The following CSGALNACT2 variants were observed in gnomAD, a reference collection of about 807,000 sequenced individuals.
The protein encoded by CSGALNACT2 is beta 4 GalNAcT-2.
In CSGALNACT2, 35 loss-of-function variants were observed where a neutral mutation model predicts 55.3. The ratio of observed to expected loss-of-function variants is 0.63; its 90% CI spans 0.48 to 0.84. The LOEUF is 0.84. CSGALNACT2 is among the 40% of genes least tolerant of loss of function. The pLI is 0.00. For synonymous variants in CSGALNACT2, 196 were observed against 224.9 expected, an observed-to-expected ratio of 0.87 and a Z score of 1.15; for missense variants, 544 against 657.5, an observed-to-expected ratio of 0.83 and a Z score of 1.89.
intron 6 of CSGALNACT2, among the ~76,000 whole-genome samples, chr10:43,169,925 C>T (rs2133142099): frequency 6.6e-6 from 1 of 152,284 alleles, no homozygotes; most frequent in East Asian, 1.9e-4. Flanking sequence ...AATTCATATT[C>T]AACCTACTAT....
chr10:43,145,410 C>CTTTTTT (rs71016727), intron 1 of CSGALNACT2, among the ~76,000 whole-genome samples: 4 of 99,406 alleles, frequency 4.0e-5, no homozygotes, highest in Non-Finnish European at 5.6e-5. Context: ...TTGTTTGTTT[C>CTTTTTT]TTTTTTTTTT....
At chr10:43,145,877 T>C (rs957979730) in intron 1 of CSGALNACT2, among the ~76,000 whole-genome samples, 2 of 152,214 alleles carry the variant, frequency 1.3e-5, no homozygotes, top group Admixed American at 6.5e-5. Flanking sequence ...CTTATTTTAA[T>C]AGTATGAATA....
intron 1 of CSGALNACT2, among the ~76,000 whole-genome samples, chr10:43,153,313 C>G (rs183290739): frequency 9.8e-6 from 1 of 102,130 alleles, no homozygotes; most frequent in African/African-American, 4.4e-5. Context: ...GCAGCCTGGG[C>G]GACAGAGCAA....
In CSGALNACT2 at chr10:43,147,124, C is replaced by T. The variant is rs370568088; in HGVS notation, c.-253-7773C>T. On this transcript the variant is annotated intron_variant, in intron 1 of 7. Coordinates refer to ENST00000374466, the MANE Select transcript of CSGALNACT2 (RefSeq NM_018590.5). ...CCAAGTAGCTGGGACTACAGGCGCC[C>T]GCCACTACGCCCGGCTAATTTTTTG... Among the ~76,000 whole-genome samples, 19 of 148,814 alleles carry T rather than the reference C, an allele frequency of 1.3e-4. 1 individual carries two copies. The highest frequency in any genetic ancestry group is 1.2e-3 in the East Asian group (6 of 5,086).
chr10:43,159,008 C>G, intron 3 of CSGALNACT2, 77 bp downstream of exon 3: 2 of 793,560 alleles, frequency 2.5e-6, no homozygotes, highest in Non-Finnish European at 4.2e-6. Flanking sequence ...CTTAATTTAT[C>G]TTCACCGATT....
chr10:43,185,025 T>C lies in CSGALNACT2; in HGVS notation c.*1483T>C, dbSNP rs1204366049. On this transcript the variant is annotated 3_prime_UTR_variant, in exon 8 of 8. Coordinates refer to ENST00000374466, the MANE Select transcript of CSGALNACT2 (RefSeq NM_018590.5). ...TTTTTTTAAAAGATGTGTGAAATGTTCTCTGCAAAATAATTCAGGCCACTG... is the reference window on the plus strand; with the variant it reads ...TTTTTTTAAAAGATGTGTGAAATGTCCTCTGCAAAATAATTCAGGCCACTG... 6.6e-6 allele frequency: 1 copy of C among 152,138 alleles called. No homozygotes were observed. The highest frequency in any genetic ancestry group is 2.4e-5 in the African/African-American group (1 of 41,460). The allele number at this position is 152,138 out of a possible 1,614,324, so 9.4% of individuals were successfully genotyped here.
At chr10:43,145,410 CTTTTTTTT>C (rs71016727) in intron 1 of CSGALNACT2, among the ~76,000 whole-genome samples, 1 of 99,420 alleles carries the variant, frequency 1.0e-5, no homozygotes, top group Non-Finnish European at 1.9e-5. Flanking sequence ...TTGTTTGTTT[CTTTTTTTT>C]TTTTTTTTTT....
chr10:43,140,478 A>G (rs1838598248), intron 1 of CSGALNACT2, among the ~76,000 whole-genome samples: 1 of 152,240 alleles, frequency 6.6e-6, no homozygotes, highest in Non-Finnish European at 1.5e-5. Flanking sequence ...ATTCATTACC[A>G]TGTTATTATT....
chr10:43,162,336 C>A, intron 4 of CSGALNACT2: 1 of 988,042 alleles, frequency 1.0e-6, no homozygotes, highest in Non-Finnish European at 1.4e-6. Context: ...ATTTTGCCCA[C>A]TCTTGAGCCA....
chr10:43,184,530 T>A lies in CSGALNACT2; in HGVS notation c.*988T>A, dbSNP rs1839658336. ...ATTTGCATTACTATAATACTTTGAGTTGAAAAAGAGTTTCATTGTGGAGAG... is the reference window on the plus strand; with the variant it reads ...ATTTGCATTACTATAATACTTTGAGATGAAAAAGAGTTTCATTGTGGAGAG... On this transcript the variant is annotated 3_prime_UTR_variant, in exon 8 of 8. Transcript: ENST00000374466. 5 of 152,224 alleles carry A rather than the reference T, an allele frequency of 3.3e-5. No homozygotes were observed. Among genetic ancestry groups the A allele is most frequent in the African/African-American group, 9.6e-5 (4 of 41,460 alleles). 9.4% of individuals were successfully genotyped at this position (152,224 alleles called of 1,614,324 possible). A position where few individuals can be genotyped will look rare whatever the true frequency, so the allele number is the denominator to read the frequency against.
chr10:43,145,410 C>CTTT lies in CSGALNACT2; in HGVS notation c.-254+6865_-254+6867dup, dbSNP rs71016727. ...TGGCGTAGCCTAAGTTTGTTTGTTT[C>CTTT]TTTTTTTTTTTTTTTTTTTTTTTTA... On this transcript the variant is annotated intron_variant, in intron 1 of 7. Transcript: ENST00000374466. Among the ~76,000 whole-genome samples the CTTT allele has an allele frequency of 1.5e-3, 147 of 99,378 alleles. 6 individuals carry two copies. Among genetic ancestry groups the CTTT allele is most frequent in the African/African-American group, 4.4e-3 (114 of 25,676 alleles). 65.2% of individuals were successfully genotyped at this position (99,378 alleles called of 152,430 possible). A position where few individuals can be genotyped will look rare whatever the true frequency, so the allele number is the denominator to read the frequency against.
At chr10:43,176,683 A>G (rs1048047683) in intron 7 of CSGALNACT2, among the ~76,000 whole-genome samples, 2 of 152,138 alleles carry the variant, frequency 1.3e-5, no homozygotes, top group African/African-American at 4.8e-5. Flanking sequence ...CTCCTACCTC[A>G]ATCCCCAAGT....
intron 6 of CSGALNACT2, 39 bp downstream of exon 6, chr10:43,167,137 G>T (rs543751959): frequency 7.8e-7 from 1 of 1,277,012 alleles, no homozygotes; most frequent in Admixed American, 1.7e-5. Context: ...AGACTCTAAA[G>T]ATCTTTTCTA....
chr10:43,168,204 G>A (rs1268740823), intron 6 of CSGALNACT2, among the ~76,000 whole-genome samples: 1 of 152,200 alleles, frequency 6.6e-6, no homozygotes, highest in African/African-American at 2.4e-5. Flanking sequence ...TGTAATCCCA[G>A]CACTTTGGGA....
chr10:43,183,416 G>A lies in CSGALNACT2; in HGVS notation c.1503G>A (p.Met501Ile), dbSNP rs2133163186. 1 of 1,614,196 alleles carries A rather than the reference G, an allele frequency of 6.2e-7. No homozygotes were observed. Among genetic ancestry groups the A allele is most frequent in the South Asian group, 1.1e-5 (1 of 91,080 alleles). The change falls in exon 8 of 8, where the codon ATG becomes ATA. Residue 501 changes from methionine to isoleucine, a missense_variant. Coordinates refer to ENST00000374466, the MANE Select transcript of CSGALNACT2 (RefSeq NM_018590.5). ...AGCTGACCCCCGAGCAGTACCGCAT[G>A]TGCATCCAGTCTAAAGCCATGAATG... ...ADELTPEQYRMCIQSKAMNEA... is the reference protein window; with the variant it reads ...ADELTPEQYRICIQSKAMNEA...
chr10:43,171,716 C>G (rs1336745155), intron 6 of CSGALNACT2, among the ~76,000 whole-genome samples: 1 of 152,154 alleles, frequency 6.6e-6, no homozygotes, highest in Non-Finnish European at 1.5e-5. Flanking sequence ...AATGCTGATT[C>G]ATTCTAGGTG....
intron 7 of CSGALNACT2, among the ~76,000 whole-genome samples, chr10:43,177,366 T>G (rs1425311193): frequency 6.6e-6 from 1 of 152,140 alleles, no homozygotes. Flanking sequence ...CCATCAAATT[T>G]AGAGCATTTC....
At chr10:43,165,616 TAGTGAGTCCTAGTCTTTAA>T (rs1839248525) in intron 5 of CSGALNACT2, among the ~76,000 whole-genome samples, 1 of 151,816 alleles carries the variant, frequency 6.6e-6, no homozygotes, top group Non-Finnish European at 1.5e-5. Flanking sequence ...CTGGGCAACA[TAGTGAGTCCTAGTCTTTAA>T]AAATAAAATT....
intron 4 of CSGALNACT2, among the ~76,000 whole-genome samples, chr10:43,161,897 T>G (rs1564515610): frequency 6.6e-6 from 1 of 152,166 alleles, no homozygotes; most frequent in Non-Finnish European, 1.5e-5. Flanking sequence ...CTGTCCCTCC[T>G]TAGTGTTTTT....
Sources: allele counts gnomAD v4.1 joint callset (sites outside exome capture counted in the v4.1 genomes callset), GRCh38; gene constraint gnomAD v4.1.1; transcripts MANE v1.5; gene names NCBI Gene and HGNC (gene_info 2026-07-23, HGNC 2026-07-21).